The following CTBP2 variants were observed in gnomAD, a reference collection of about 807,000 sequenced individuals.
CTBP2 encodes C-terminal-binding protein 2.
Under a neutral mutation model 80.3 loss-of-function variants are expected in CTBP2, and 30 were observed. The observed-to-expected ratio is 0.37, with a 90% confidence interval of 0.28 to 0.51. CTBP2 has a LOEUF of 0.51. Among genes scored for constraint, CTBP2 ranks in the 20% least tolerant of loss-of-function variants. CTBP2 has a pLI of 0.93. For missense variants in CTBP2, 1,212 were observed against 1,375.3 expected, an observed-to-expected ratio of 0.88 and a Z score of 1.88; for synonymous variants, 594 against 587.4, an observed-to-expected ratio of 1.01 and a Z score of -0.16.
rs116572727 is a variant in CTBP2, at chr10:125,003,812, C to T, written c.1679-320G>A. ...CAGCACAGGACGGGTCCCTGCACCG[C>T]GTGCCTCCCTGCCTGCACCGGCACC... On this transcript the variant is annotated intron_variant, in intron 1 of 8. Coordinates refer to ENST00000309035, the MANE Select transcript of CTBP2 (RefSeq NM_022802.3). 4.9e-3 allele frequency among the ~76,000 whole-genome samples: 747 copies of T among 152,246 alleles called. 6 individuals are homozygous for T. The highest frequency in any genetic ancestry group is 0.017 in the African/African-American group (718 of 41,540).
At chr10:125,107,823 A>C (rs1429664727) in intron 2 of CTBP2, among the ~76,000 whole-genome samples, 1 of 152,220 alleles carries the variant, frequency 6.6e-6, no homozygotes, top group Non-Finnish European at 1.5e-5. Context: ...TGGCAGCCGG[A>C]AACAGTCCTA....
At chr10:125,075,986 A>T (rs1247058074) in intron 2 of CTBP2, among the ~76,000 whole-genome samples, 1 of 152,250 alleles carries the variant, frequency 6.6e-6, no homozygotes, top group Non-Finnish European at 1.5e-5. Context: ...TGATCATGGC[A>T]GCAGCATCCC....
chr10:125,077,577 G>T (rs1215737397), intron 2 of CTBP2, among the ~76,000 whole-genome samples: 3 of 152,188 alleles, frequency 2.0e-5, no homozygotes, highest in Non-Finnish European at 4.4e-5. Context: ...AGGGATCAAA[G>T]AATAAAGCCA....
At chr10:125,004,185 C>G (rs998367533) in intron 1 of CTBP2, among the ~76,000 whole-genome samples, 1 of 152,110 alleles carries the variant, frequency 6.6e-6, no homozygotes, top group African/African-American at 2.4e-5. Context: ...CCCCAGTGGT[C>G]CTTCCCACAA....
At chr10:125,081,198 G>T (rs928687798) in intron 2 of CTBP2, among the ~76,000 whole-genome samples, 1 of 152,172 alleles carries the variant, frequency 6.6e-6, no homozygotes, top group South Asian at 2.1e-4. Flanking sequence ...TGACTCATCT[G>T]CTCTCTTCAA....
intron 2 of CTBP2, among the ~76,000 whole-genome samples, chr10:125,060,463 CGTGTGTGT>C (rs56032803): frequency 0.045 from 6,610 of 147,934 alleles, 167 homozygotes; most frequent in Admixed American, 0.078. Context: ...ATTCCCCCCA[CGTGTGTGT>C]GTGTGTGTGT....
intron 6 of CTBP2, among the ~76,000 whole-genome samples, chr10:124,993,625 C>A (rs576268141): frequency 6.6e-6 from 1 of 152,348 alleles, no homozygotes; most frequent in African/African-American, 2.4e-5. Flanking sequence ...CACTGCCACA[C>A]CCCCACCAAT....
At chr10:124,993,473 G>T (rs1334497856) in intron 6 of CTBP2, 144 bp from the exon 9 acceptor site, 3 of 1,012,526 alleles carry the variant, frequency 3.0e-6, no homozygotes, top group Non-Finnish European at 4.2e-6. Context: ...GATATTTTAT[G>T]AAGGCTGGGA....
Position 125,027,113 on chromosome 10 carries a change from T to C in CTBP2, c.647A>G (p.Glu216Gly), listed in dbSNP as rs1297148926. 6.2e-7 allele frequency: 1 copy of C among 1,606,114 alleles called. No homozygotes were observed. The highest frequency in any genetic ancestry group is 1.1e-5 in the South Asian group (1 of 90,586). Residue 216 changes from glutamate (E) to glycine (G), a missense_variant, in exon 1 of 9, where the codon GAA becomes GGA. Around this residue, in one of 3 missense-constraint regions of CTBP2, gnomAD observed 848 missense variants for 782.3 expected, o/e 1.08. Coordinates refer to ENST00000309035, the MANE Select transcript of CTBP2 (RefSeq NM_022802.3). Reference sequence around the variant, plus strand: ...GGCAGGGGCAGGGTCAATGGGTCTTTCGCTGATGTCGCTGAAGACCTGGCT... The same window carrying C: ...GGCAGGGGCAGGGTCAATGGGTCTTCCGCTGATGTCGCTGAAGACCTGGCT...
chr10:125,142,289 T>A (rs1464721157), intron 1 of CTBP2, among the ~76,000 whole-genome samples: 1 of 152,074 alleles, frequency 6.6e-6, no homozygotes, highest in African/African-American at 2.4e-5. Context: ...AGGGGTGTCA[T>A]CCAAGCCAAG....
chr10:125,129,489 T>C (rs1275413592), intron 1 of CTBP2, among the ~76,000 whole-genome samples: 1 of 152,118 alleles, frequency 6.6e-6, no homozygotes, highest in Non-Finnish European at 1.5e-5. Flanking sequence ...ATGAGACCCG[T>C]GCTCCAGGTG....
intron 1 of CTBP2, among the ~76,000 whole-genome samples, chr10:125,157,003 G>A (rs1861036559): frequency 6.6e-6 from 1 of 152,172 alleles, no homozygotes; most frequent in Non-Finnish European, 1.5e-5. Flanking sequence ...GGTGTGCCCC[G>A]ACTCTCAAAA....
At chr10:125,032,438 A>C (rs1304143719), upstream of CTBP2, among the ~76,000 whole-genome samples, 1 of 152,174 alleles carries the variant, frequency 6.6e-6, no homozygotes, top group African/African-American at 2.4e-5. Flanking sequence ...TTTTGTGAGC[A>C]ATGCTCCTAA....
chr10:125,085,705 A>G (rs2135606051), intron 2 of CTBP2, among the ~76,000 whole-genome samples: 1 of 152,116 alleles, frequency 6.6e-6, no homozygotes, highest in East Asian at 1.9e-4. Flanking sequence ...ATTAACAGGG[A>G]CTCTCGCAGC....
chr10:125,060,716 G>A (rs1163428470), intron 2 of CTBP2, among the ~76,000 whole-genome samples: 1 of 152,252 alleles, frequency 6.6e-6, no homozygotes, highest in Non-Finnish European at 1.5e-5. Context: ...GAGAGGGGAA[G>A]CCAAGAGGAG....
intron 4 of CTBP2, 49 bp downstream of exon 6, chr10:124,997,914 CA>C: frequency 6.4e-7 from 1 of 1,568,364 alleles, no homozygotes; most frequent in African/African-American, 1.3e-5. Flanking sequence ...CCCACTACAC[CA>C]GCCCCAGTGT....
rs746803473 is a variant in CTBP2, at chr10:125,026,916, C to A, written c.844G>T (p.Gly282Cys). The change falls in exon 1 of 9, where the codon GGT becomes TGT. Residue 282 changes from glycine to cysteine, a missense_variant. Physicochemically the swap from Gly to Cys is radical, Grantham distance 159 (BLOSUM62 -3). This residue lies in a region of CTBP2 where 848 missense variants were observed against 782.3 expected (regional missense o/e 1.08). Transcript: ENST00000309035. ...AGCACGGTCCTCTTGCCACCAGGACCCTGGAAGGTGGACAGGTCAGCTTCG... is the reference window on the plus strand; with the variant it reads ...AGCACGGTCCTCTTGCCACCAGGACACTGGAAGGTGGACAGGTCAGCTTCG... 4.3e-6 allele frequency: 7 copies of A among 1,614,054 alleles called. No homozygotes were observed. Among genetic ancestry groups the A allele is most frequent in the Non-Finnish European group, 5.9e-6 (7 of 1,180,024 alleles).
chr10:124,999,855 C>T (rs1954200766), intron 3 of CTBP2: 1 of 152,232 alleles, frequency 6.6e-6, no homozygotes, highest in African/African-American at 2.4e-5. Flanking sequence ...AATTTTCATT[C>T]CTCGGGCAGG....
chr10:125,133,948 T>G (rs547201346), intron 1 of CTBP2, among the ~76,000 whole-genome samples: 4 of 152,316 alleles, frequency 2.6e-5, no homozygotes, highest in African/African-American at 7.2e-5. Flanking sequence ...AGCAGCTTCT[T>G]TCTGCATGGG....
Sources: allele counts gnomAD v4.1 joint callset (sites outside exome capture counted in the v4.1 genomes callset), GRCh38; gene constraint gnomAD v4.1.1; regional missense constraint gnomAD v4.1.1; transcripts MANE v1.5; gene names NCBI Gene and HGNC (gene_info 2026-07-23, HGNC 2026-07-21).